Variants in SDK1 observed in about 807,000 individuals in gnomAD.
SDK1 encodes the protein sidekick cell adhesion molecule 1, also known as protein sidekick-1.
Under a neutral mutation model 245.5 loss-of-function variants are expected in SDK1, and 157 were observed. That is an observed-to-expected ratio of 0.64 (90% CI 0.56 to 0.73). SDK1 has a LOEUF of 0.73. Among genes scored for constraint, SDK1 ranks in the 30% least tolerant of loss-of-function variants. The pLI is 0.00. For synonymous variants in SDK1, 1,647 were observed against 1,278.5 expected, an observed-to-expected ratio of 1.29 and a Z score of -6.15; for missense variants, 3,583 against 3,002.3, an observed-to-expected ratio of 1.19 and a Z score of -4.52.
At chr7:3,599,800 C>A (rs560625485) in intron 1 of SDK1, among the ~76,000 whole-genome samples, 182 of 152,264 alleles carry the variant, frequency 1.2e-3, no homozygotes, top group Middle Eastern at 3.4e-3. Flanking sequence ...TATTTTATGT[C>A]TTTGATCCCT....
intron 5 of SDK1, among the ~76,000 whole-genome samples, chr7:3,912,600 A>T (rs908803256): frequency 6.6e-6 from 1 of 152,198 alleles, no homozygotes; most frequent in Admixed American, 6.5e-5. Context: ...CAACTCCTCC[A>T]AATACCTCCC....
intron 5 of SDK1, among the ~76,000 whole-genome samples, chr7:3,860,068 T>C (rs909461876): frequency 4.6e-5 from 7 of 151,684 alleles, no homozygotes; most frequent in African/African-American, 1.7e-4. Flanking sequence ...TACAGGTGCC[T>C]GCCACCACTC....
chr7:4,215,994 C>G (rs1465261852), intron 38 of SDK1, among the ~76,000 whole-genome samples: 1 of 152,150 alleles, frequency 6.6e-6, no homozygotes. Context: ...CTCCCATCCC[C>G]GTTCCTGCAT....
chr7:3,967,237 G>C (rs1200139971), intron 9 of SDK1, 81 bp from the exon 10 acceptor site: 2 of 1,077,956 alleles, frequency 1.9e-6, no homozygotes, highest in East Asian at 2.4e-5. Flanking sequence ...GCTCTCTAAA[G>C]CCCGTGCAGG....
chr7:3,675,570 T>A (rs895128234), intron 4 of SDK1, among the ~76,000 whole-genome samples: 31 of 150,782 alleles, frequency 2.1e-4, no homozygotes, highest in Middle Eastern at 3.4e-3. Context: ...TTTGTTTGTT[T>A]GTTTGTTTGT....
intron 44 of SDK1, among the ~76,000 whole-genome samples, chr7:4,248,739 T>A (rs1787087931): frequency 6.6e-6 from 1 of 152,068 alleles, no homozygotes; most frequent in Non-Finnish European, 1.5e-5. Flanking sequence ...CCCAAATATG[T>A]ACATGCAAAA....
chr7:3,748,176 T>C (rs764392969), intron 4 of SDK1, among the ~76,000 whole-genome samples: 2 of 152,168 alleles, frequency 1.3e-5, no homozygotes, highest in Non-Finnish European at 2.9e-5. Context: ...CAAAACAGCA[T>C]GTTTGGTTTA....
Position 4,265,429 on chromosome 7 carries a change from C to T in SDK1, c.*45C>T, listed in dbSNP as rs570962273. The T allele has an allele frequency of 1.6e-5, 22 of 1,401,380 alleles. 2 individuals carry two copies. The African/African-American group carries it at 2.1e-4, about 14-fold the overall frequency. 86.8% of individuals were successfully genotyped at this position (1,401,380 alleles called of 1,614,324 possible). A position where few individuals can be genotyped will look rare whatever the true frequency, so the allele number is the denominator to read the frequency against. ...TCAGGGCGGAACGGAGGCAACTTTC[C>T]GGAGTCTATTTTTGTTAAGACAATC... On this transcript the variant is annotated 3_prime_UTR_variant, in exon 45 of 45. Transcript: ENST00000404826.
chr7:3,387,832 C>T (rs1781647437), intron 1 of SDK1, among the ~76,000 whole-genome samples: 1 of 152,160 alleles, frequency 6.6e-6, no homozygotes, highest in South Asian at 2.1e-4. Flanking sequence ...CCATTTTGAA[C>T]ATTGTACACG....
chr7:3,639,307 G>C (rs1015654383), intron 3 of SDK1, among the ~76,000 whole-genome samples, 197 bp downstream of exon 3: 1 of 152,172 alleles, frequency 6.6e-6, no homozygotes, highest in Non-Finnish European at 1.5e-5. Context: ...TGAGGCAAAG[G>C]GCACTTTTCT....
rs527779891 is a variant in SDK1 at position 3,632,161 on chromosome 7, G to A, written c.459-6843G>A. ...GGTTTTCTGAAATTCCTTTTTTACCGACTTGAGAGAGCAATTAATGCTCAC... is the reference window on the plus strand; with the variant it reads ...GGTTTTCTGAAATTCCTTTTTTACCAACTTGAGAGAGCAATTAATGCTCAC... On this transcript the variant is annotated intron_variant, in intron 2 of 44. Coordinates refer to ENST00000404826, the MANE Select transcript of SDK1 (RefSeq NM_152744.4). Among the ~76,000 whole-genome samples the A allele has an allele frequency of 3.0e-4, 45 of 152,268 alleles. 1 individual carries two copies. Among genetic ancestry groups the A allele is most frequent in the South Asian group, 8.3e-4 (4 of 4,820 alleles).
intron 34 of SDK1, among the ~76,000 whole-genome samples, chr7:4,177,867 TGGG>T (rs1471774948): frequency 6.6e-6 from 1 of 152,148 alleles, no homozygotes; most frequent in African/African-American, 2.4e-5. Flanking sequence ...GGTCCCATCT[TGGG>T]GGGAGGGGAG....
At chr7:3,319,981 AT>A (rs1394430684) in intron 1 of SDK1, among the ~76,000 whole-genome samples, 1 of 150,412 alleles carries the variant, frequency 6.6e-6, no homozygotes, top group East Asian at 2.0e-4. Context: ...GAAAAAATGA[AT>A]TTCACCTTGC....
chr7:3,987,214 C>A lies in SDK1; in HGVS notation c.2023C>A (p.Leu675Met). ...IELPHSPQNL[L>M]VSPNSSHSHA... ...ACTGCCTCATTCACCTCAGAACCTC[C>A]TGGTCAGCCCTAATTCTTCCCACAG... The change falls in exon 14 of 45, where the codon CTG (leucine) becomes ATG (methionine). Residue 675 changes from leucine (L) to methionine (M), a missense_variant. Transcript: ENST00000404826. The A allele has an allele frequency of 6.2e-7, 1 of 1,614,196 alleles. No homozygotes were observed. The highest frequency in any genetic ancestry group is 8.5e-7 in the Non-Finnish European group (1 of 1,180,024).
intron 1 of SDK1, among the ~76,000 whole-genome samples, chr7:3,484,393 C>T (rs776385022): frequency 1.3e-4 from 20 of 152,268 alleles, no homozygotes; most frequent in Non-Finnish European, 2.4e-4. Context: ...ACAAGGCCGA[C>T]TTCGGGACAT....
intron 31 of SDK1, among the ~76,000 whole-genome samples, chr7:4,159,570 G>A (rs1183430816): frequency 6.6e-6 from 1 of 152,190 alleles, no homozygotes; most frequent in Admixed American, 6.5e-5. Context: ...CAAATCCTGG[G>A]AGTTTATTGG....
intron 1 of SDK1, among the ~76,000 whole-genome samples, chr7:3,364,172 T>A (rs1781026066): frequency 6.6e-6 from 1 of 152,250 alleles, no homozygotes; most frequent in Admixed American, 6.5e-5. Context: ...GTTCTTTATA[T>A]ATTTTAGATA....
At chr7:3,702,939 A>C (rs1319886000) in intron 4 of SDK1, among the ~76,000 whole-genome samples, 1 of 151,986 alleles carries the variant, frequency 6.6e-6, no homozygotes, top group Admixed American at 6.6e-5. Flanking sequence ...AGTACCAAAT[A>C]CTCAGGAAGA....
At chr7:3,476,826 C>G (rs1162588237) in intron 1 of SDK1, among the ~76,000 whole-genome samples, 1 of 152,130 alleles carries the variant, frequency 6.6e-6, no homozygotes, top group Non-Finnish European at 1.5e-5. Context: ...GAACTCAGGC[C>G]TAATCTAACT....
Sources: gnomAD v4.1 joint callset for allele counts (sites outside exome capture counted in the v4.1 genomes callset) on GRCh38, gnomAD v4.1.1 for gene constraint, MANE v1.5 for transcripts, NCBI Gene and HGNC (gene_info 2026-07-23, HGNC 2026-07-21) for gene names.